MAGI3: variants seen among roughly 807,000 people sequenced by gnomAD.
The protein encoded by MAGI3 is membrane-associated guanylate kinase, WW and PDZ domain-containing protein 3.
Under a neutral mutation model 121.8 loss-of-function variants are expected in MAGI3, and 43 were observed. That is an observed-to-expected ratio of 0.35 (90% CI 0.28 to 0.46). The LOEUF (loss-of-function observed/expected upper bound fraction) is 0.46, where lower values mean the gene tolerates loss of function less well. Among genes scored for constraint, MAGI3 ranks in the 20% least tolerant of loss-of-function variants. MAGI3 has a pLI of 1.00. For missense variants in MAGI3, 1,547 were observed against 1,797.3 expected (o/e 0.86, Z 2.52); for synonymous variants, 553 against 639.3 (o/e 0.86, Z 2.04).
At chr1:113,489,328 A>T (rs1331968420) in intron 1 of MAGI3, among the ~76,000 whole-genome samples, 1 of 152,148 alleles carries the variant, frequency 6.6e-6, no homozygotes, top group African/African-American at 2.4e-5. Context: ...TGCTGAATTC[A>T]CCTATACCAC....
intron 1 of MAGI3, among the ~76,000 whole-genome samples, chr1:113,464,741 A>G (rs77090516): frequency 6.6e-6 from 1 of 152,174 alleles, no homozygotes; most frequent in Non-Finnish European, 1.5e-5. Flanking sequence ...CATTTTTCTG[A>G]TGATTACTAA....
intron 1 of MAGI3, among the ~76,000 whole-genome samples, chr1:113,543,351 C>G (rs1460199223): frequency 6.6e-6 from 1 of 152,130 alleles, no homozygotes; most frequent in Non-Finnish European, 1.5e-5. Context: ...TTTAAAGACT[C>G]ATAGAGCTTG....
intron 16 of MAGI3, among the ~76,000 whole-genome samples, chr1:113,664,656 T>C (rs1653943200): frequency 6.6e-6 from 1 of 152,244 alleles, no homozygotes; most frequent in African/African-American, 2.4e-5. Context: ...TGCATCCATC[T>C]ACTCCCACCA....
rs577969851 is a variant in MAGI3, at chr1:113,548,525, T to TA, written c.317-989dup. Among the ~76,000 whole-genome samples, 39 of 152,300 alleles carry TA rather than the reference T, an allele frequency of 2.6e-4. No individual in the cohort carries two copies. In the South Asian group the frequency reaches 7.9e-3, roughly 31 times the overall value. On this transcript the variant is annotated intron_variant, in intron 1 of 20. Transcript: ENST00000307546. ...TAGTGATAGGAAGAGGACCCTAAGG[T>TA]AGGGCCAGTTTGGCCTTTTCGAAGA...
At chr1:113,429,431 C>T (rs1438067899) in intron 1 of MAGI3, among the ~76,000 whole-genome samples, 2 of 152,156 alleles carry the variant, frequency 1.3e-5, no homozygotes, top group African/African-American at 4.8e-5. Flanking sequence ...CAGGAGGTGG[C>T]TCAGGAGCCC....
chr1:113,583,324 ATT>A (rs58776075), intron 3 of MAGI3, among the ~76,000 whole-genome samples: 1 of 150,846 alleles, frequency 6.6e-6, no homozygotes, highest in African/African-American at 2.4e-5. Context: ...AACAATGCTA[ATT>A]TTTTTTTAAT....
At chr1:113,586,442 T>TA (rs1391038485) in intron 4 of MAGI3, among the ~76,000 whole-genome samples, 1 of 152,248 alleles carries the variant, frequency 6.6e-6, no homozygotes, top group Non-Finnish European at 1.5e-5. Flanking sequence ...TAAAATGTGA[T>TA]ATGTATATTT....
intron 1 of MAGI3, chr1:113,403,809 A>G (rs922994912): frequency 6.6e-6 from 1 of 152,178 alleles, no homozygotes; most frequent in Non-Finnish European, 1.5e-5. Flanking sequence ...CATCCAGAAT[A>G]CTAGCTATAA....
At chr1:113,420,833 C>T (rs1046235807) in intron 1 of MAGI3, among the ~76,000 whole-genome samples, 4 of 152,064 alleles carry the variant, frequency 2.6e-5, no homozygotes, top group Non-Finnish European at 4.4e-5. Context: ...TTTTCTGTAT[C>T]TCAGGGAATA....
intron 3 of MAGI3, among the ~76,000 whole-genome samples, chr1:113,584,343 G>A (rs766509668): frequency 6.6e-6 from 1 of 152,130 alleles, no homozygotes; most frequent in Non-Finnish European, 1.5e-5. Flanking sequence ...GACAAATTGA[G>A]AAGATACTCA....
chr1:113,484,906 G>A (rs1656306598), intron 1 of MAGI3, among the ~76,000 whole-genome samples: 1 of 151,078 alleles, frequency 6.6e-6, no homozygotes, highest in Non-Finnish European at 1.5e-5. Flanking sequence ...TTTTGGTTTT[G>A]TATTTTTAGT....
intron 15 of MAGI3, among the ~76,000 whole-genome samples, chr1:113,657,509 T>C (rs959973670): frequency 6.6e-6 from 1 of 152,242 alleles, no homozygotes; most frequent in Non-Finnish European, 1.5e-5. Flanking sequence ...ATTAATTCTA[T>C]TTAATGCTTT....
At chr1:113,670,663 A>C (rs1647494341) in intron 16 of MAGI3, among the ~76,000 whole-genome samples, 2 of 152,220 alleles carry the variant, frequency 1.3e-5, no homozygotes. Flanking sequence ...GAAAATGATG[A>C]TAGTTATAAT....
intron 1 of MAGI3, among the ~76,000 whole-genome samples, chr1:113,427,239 G>A (rs1285635414): frequency 6.6e-6 from 1 of 152,208 alleles, no homozygotes; most frequent in Non-Finnish European, 1.5e-5. Context: ...CCACCTCTGG[G>A]TGAAAAGGGA....
In MAGI3 at chr1:113,391,305, T is replaced by C; in HGVS notation, c.272T>C (p.Ile91Thr). Reference protein sequence around the residue: ...GLTNRDTLAVIRHFREPIRLK... With the variant: ...GLTNRDTLAVTRHFREPIRLK... Reference sequence around the variant, plus strand: ...ACCAACCGGGACACCCTGGCTGTCATCCGCCACTTCCGCGAGCCCATCCGT... The same window carrying C: ...ACCAACCGGGACACCCTGGCTGTCACCCGCCACTTCCGCGAGCCCATCCGT... The change falls in exon 1 of 21, where the codon ATC becomes ACC. Residue 91 changes from isoleucine (I) to threonine (T), a missense_variant. Physicochemically the swap from Ile to Thr is moderately conservative, Grantham distance 89 (BLOSUM62 -1). Transcript: ENST00000307546. This position sits in a 1 kb window ranked among gnomAD's most constrained non-coding sequence, Gnocchi z 4.4. The C allele has an allele frequency of 6.3e-7, 1 of 1,592,560 alleles. No homozygotes were observed. Among genetic ancestry groups the C allele is most frequent in the Non-Finnish European group, 8.5e-7 (1 of 1,171,090 alleles).
rs184460714 is a variant in MAGI3 at position 113,459,640 on chromosome 1, G to A, written c.316+68291G>A. 6.2e-3 allele frequency among the ~76,000 whole-genome samples: 948 copies of A among 152,254 alleles called. 9 individuals are homozygous for A. Among genetic ancestry groups the A allele is most frequent in the South Asian group, 0.029 (139 of 4,826 alleles). On this transcript the variant is annotated intron_variant, in intron 1 of 20. Transcript: ENST00000307546. The stretch of plus-strand genomic sequence containing the variant: ...TTTACATTCACCATCTAATAACTGT[G>A]AAATATCTTTCTTTGTCAGTTTTCT...
intron 16 of MAGI3, 69 bp from the exon 17 acceptor site, chr1:113,671,665 C>A: frequency 1.4e-6 from 2 of 1,440,842 alleles, no homozygotes; most frequent in Non-Finnish European, 1.9e-6. Context: ...GTCTCACCTT[C>A]ACAGATCCGC....
At chr1:113,570,198 A>G (rs1263453921) in intron 2 of MAGI3, among the ~76,000 whole-genome samples, 1 of 152,034 alleles carries the variant, frequency 6.6e-6, no homozygotes, top group Non-Finnish European at 1.5e-5. Context: ...AGCTTCACCC[A>G]TGTCCTTGCA....
chr1:113,646,295 G>T (rs1652834162), intron 11 of MAGI3, among the ~76,000 whole-genome samples, 191 bp from the exon 12 acceptor site: 1 of 152,018 alleles, frequency 6.6e-6, no homozygotes, highest in Non-Finnish European at 1.5e-5. Context: ...TCTAATTTAA[G>T]TTAAATATGT....
Sources: gnomAD v4.1 joint callset for allele counts (sites outside exome capture counted in the v4.1 genomes callset) on GRCh38, gnomAD v4.1.1 for gene constraint, Gnocchi (gnomAD v3.1) non-coding constraint, MANE v1.5 for transcripts, NCBI Gene and HGNC (gene_info 2026-07-23, HGNC 2026-07-21) for gene names.